ARPP21: variants seen among roughly 807,000 people sequenced by gnomAD.
ARPP21 encodes the protein cAMP regulated phosphoprotein 21.
A neutral mutation model predicts 113.2 loss-of-function variants in ARPP21; 69 were observed. That is an observed-to-expected ratio of 0.61 (90% CI 0.50 to 0.74). ARPP21 has a LOEUF of 0.74. Ranked by LOEUF, ARPP21 falls within the 30% of genes least tolerant of loss-of-function variation. The pLI is 0.00. For missense variants in ARPP21, 1,070 were observed against 1,037.4 expected (o/e 1.03, Z -0.43); for synonymous variants, 368 against 375.5 (o/e 0.98, Z 0.23).
At chr3:35,789,753 G>C (rs1039419723) in intron 19 of ARPP21, among the ~76,000 whole-genome samples, 1 of 152,072 alleles carries the variant, frequency 6.6e-6, no homozygotes, top group African/African-American at 2.4e-5. Flanking sequence ...TACTAGGATG[G>C]GGCCACCCAA....
At chr3:35,767,700 C>G (rs2096033249) in intron 19 of ARPP21, among the ~76,000 whole-genome samples, 1 of 152,104 alleles carries the variant, frequency 6.6e-6, no homozygotes, top group South Asian at 2.1e-4. Flanking sequence ...AAATTTCAGA[C>G]TTTTCCATGC....
chr3:35,753,081 A>G (rs1407731362), intron 19 of ARPP21, among the ~76,000 whole-genome samples: 1 of 147,560 alleles, frequency 6.8e-6, no homozygotes, highest in East Asian at 2.0e-4. Context: ...TGTGTAAGTG[A>G]GAGAGAGAGA....
At chr3:35,640,583 A>T (rs1697704989) in intron 1 of ARPP21, among the ~76,000 whole-genome samples, 185 bp downstream of exon 1, 2 of 152,108 alleles carry the variant, frequency 1.3e-5, no homozygotes, top group Non-Finnish European at 1.5e-5. Context: ...TTCGTCAAGG[A>T]GGGATGGACG....
chr3:35,787,943 A>C (rs2096665735), intron 19 of ARPP21, among the ~76,000 whole-genome samples: 1 of 152,202 alleles, frequency 6.6e-6, no homozygotes, highest in Admixed American at 6.5e-5. Context: ...TATCCTCCTA[A>C]GTCACAGTTT....
intron 19 of ARPP21, among the ~76,000 whole-genome samples, chr3:35,767,518 A>G (rs963978767): frequency 1.4e-4 from 22 of 152,098 alleles, no homozygotes; most frequent in African/African-American, 5.3e-4. Flanking sequence ...AATTGCCTCA[A>G]TAGTTCACTC....
intron 19 of ARPP21, among the ~76,000 whole-genome samples, chr3:35,770,422 T>A (rs1053779149): frequency 1.3e-5 from 2 of 152,222 alleles, no homozygotes; most frequent in African/African-American, 4.8e-5. Flanking sequence ...CTGCCTCCAA[T>A]CTTAGAAATG....
rs545696000 is a variant in ARPP21, at chr3:35,793,936, C to T, written c.2522C>T (p.Ala841Val). ...CRTNCASMSNAGWQVKF is the reference protein window; with the variant it reads ...CRTNCASMSNVGWQVKF ...ACAAACTGTGCAAGTATGAGCAATG[C>T]TGGTTGGCAGGTCAAATTCTGAGAG... Residue 841 changes from alanine (A) to valine (V), a missense_variant, in exon 21 of 21, where the codon GCT becomes GTT. By Grantham distance (64) the Ala-to-Val change is moderately conservative. Transcript: ENST00000684406. 19 of 1,613,930 alleles carry T rather than the reference C, an allele frequency of 1.2e-5. No homozygotes were observed. The East Asian group carries it at 3.8e-4, about 32-fold the overall frequency.
chr3:35,691,334 T>C (rs925530588), intron 9 of ARPP21, among the ~76,000 whole-genome samples: 1 of 151,628 alleles, frequency 6.6e-6, no homozygotes, highest in Non-Finnish European at 1.5e-5. Context: ...TTAAAAACAA[T>C]AGATATTTTT....
At chr3:35,670,808 C>A (rs2076157026) in intron 1 of ARPP21, among the ~76,000 whole-genome samples, 2 of 152,090 alleles carry the variant, frequency 1.3e-5, no homozygotes, top group African/African-American at 2.4e-5. Flanking sequence ...GGAATGTATT[C>A]ATTTATCCTT....
intron 1 of ARPP21, among the ~76,000 whole-genome samples, chr3:35,661,138 T>C (rs1315303232): frequency 6.6e-6 from 1 of 152,140 alleles, no homozygotes; most frequent in Non-Finnish European, 1.5e-5. Flanking sequence ...CACATACACA[T>C]GGATTACCTG....
intron 1 of ARPP21, among the ~76,000 whole-genome samples, chr3:35,667,911 AAGG>A (rs143034102): frequency 0.39 from 31,413 of 79,660 alleles, 7,404 homozygotes; most frequent in African/African-American, 0.5. Flanking sequence ...GAGGAAGAGG[AAGG>A]AGGAGGAGGA....
chr3:35,721,930 AATG>A, intron 14 of ARPP21, 96 bp downstream of exon 14: 1 of 729,210 alleles, frequency 1.4e-6, no homozygotes, highest in Admixed American at 3.0e-5. Context: ...GTTGACTGAT[AATG>A]ATGATATTAA....
intron 19 of ARPP21, among the ~76,000 whole-genome samples, chr3:35,766,490 A>G (rs979628725): frequency 6.6e-6 from 1 of 152,192 alleles, no homozygotes; most frequent in African/African-American, 2.4e-5. Context: ...TATGTGAAGG[A>G]TTATCATAGA....
intron 1 of ARPP21, among the ~76,000 whole-genome samples, chr3:35,660,812 G>A (rs536668666): frequency 3.3e-5 from 5 of 151,992 alleles, no homozygotes; most frequent in African/African-American, 1.2e-4. Flanking sequence ...AGATAGTTGT[G>A]GGTTTTTTTC....
chr3:35,680,289 A>G (rs2149443876), intron 2 of ARPP21, among the ~76,000 whole-genome samples: 1 of 152,080 alleles, frequency 6.6e-6, no homozygotes, highest in South Asian at 2.1e-4. Context: ...CCACTGAAAT[A>G]TAAGAAATCC....
chr3:35,715,187 G>A, intron 11 of ARPP21: 1 of 364,192 alleles, frequency 2.7e-6, no homozygotes, highest in Non-Finnish European at 5.1e-6. Context: ...CTCTTCTTCT[G>A]ACCTCCATGC....
At position 35,793,864 on chromosome 3, in the gene ARPP21, C is replaced by T. The variant is rs2096794886; in HGVS notation, c.2450C>T (p.Pro817Leu). 5 of 1,614,180 alleles carry T rather than the reference C, an allele frequency of 3.1e-6. No individual in the cohort carries two copies. Among genetic ancestry groups the T allele is most frequent in the Non-Finnish European group, 3.4e-6 (4 of 1,180,006 alleles). Residue 817 changes from proline (P) to leucine (L), a missense_variant, in exon 21 of 21, where the codon CCA becomes CTA. Transcript: ENST00000684406. ...TPQNNLRLIGPHCPSSTVPVM... is the reference protein window; with the variant it reads ...TPQNNLRLIGLHCPSSTVPVM... ...CAGAACAACCTTAGGCTGATTGGCC[C>T]ACACTGCCCCTCCAGCACTGTCCCA...
chr3:35,787,481 T>A (rs755149501), intron 19 of ARPP21, among the ~76,000 whole-genome samples: 1 of 152,170 alleles, frequency 6.6e-6, no homozygotes, highest in Admixed American at 6.5e-5. Context: ...AGAAATGAAG[T>A]AAATGAAGGG....
intron 19 of ARPP21, among the ~76,000 whole-genome samples, chr3:35,774,357 A>G (rs1488859594): frequency 6.6e-6 from 1 of 152,194 alleles, no homozygotes; most frequent in East Asian, 1.9e-4. Context: ...ATTTGCTTCT[A>G]CATTAAATTT....
Sources: gnomAD v4.1 joint callset for allele counts (sites outside exome capture counted in the v4.1 genomes callset) on GRCh38, gnomAD v4.1.1 for gene constraint, MANE v1.5 for transcripts, NCBI Gene and HGNC (gene_info 2026-07-23, HGNC 2026-07-21) for gene names.